BLOC1S6: variants seen among roughly 807,000 people sequenced by gnomAD.
BLOC1S6 encodes biogenesis of lysosomal organelles complex 1 subunit 6, also known as biogenesis of lysosome-related organelles complex 1 subunit 6.
A neutral mutation model predicts 24.7 loss-of-function variants in BLOC1S6; 24 were observed. The observed-to-expected ratio is 0.97, with a 90% confidence interval of 0.70 to 1.37. BLOC1S6 has a LOEUF of 1.37. Ranked by LOEUF, BLOC1S6 falls within the 40% of genes most tolerant of loss-of-function variation. The pLI, the probability that BLOC1S6 is intolerant of heterozygous loss-of-function variation, is 0.00. For missense variants in BLOC1S6, 175 were observed against 196.2 expected (o/e 0.89, Z 0.64); for synonymous variants, 76 against 72.6 (o/e 1.05, Z -0.23).
intron 1 of BLOC1S6, among the ~76,000 whole-genome samples, chr15:45,588,071 T>C (rs1044850557): frequency 1.3e-5 from 2 of 152,168 alleles, no homozygotes; most frequent in Non-Finnish European, 2.9e-5. Context: ...GTACCATCCT[T>C]GGGAGAACTG....
chr15:45,591,528 G>C (rs535413318), intron 1 of BLOC1S6, among the ~76,000 whole-genome samples: 69 of 152,112 alleles, frequency 4.5e-4, no homozygotes, highest in African/African-American at 1.7e-3. Context: ...GAACTTCTGG[G>C]CTCAAGTTAT....
At chr15:45,598,191 T>C (rs1894146844) in intron 2 of BLOC1S6, 2 of 154,572 alleles carry the variant, frequency 1.3e-5, no homozygotes, top group South Asian at 3.7e-4. Flanking sequence ...TATTTCAAAA[T>C]AATAGCTATC....
chr15:45,602,427 T>TG, intron 2 of BLOC1S6: 1 of 621,592 alleles, frequency 1.6e-6, no homozygotes, highest in Non-Finnish European at 2.9e-6. Flanking sequence ...CATTGATTGA[T>TG]GTGTAAAGAA....
chr15:45,593,213 T>G (rs940704713), intron 2 of BLOC1S6, among the ~76,000 whole-genome samples: 2 of 151,378 alleles, frequency 1.3e-5, no homozygotes, highest in Admixed American at 1.3e-4. Flanking sequence ...GGCGAAACCC[T>G]GTCTCTACTA....
In BLOC1S6 at chr15:45,587,886, C is replaced by T. The variant is rs148043369; in HGVS notation, c.82+361C>T. ...CTTATAATTCAGAGAGGTGACGTAT[C>T]CTATAATATTGACCACTCATGAAAT... is the stretch of plus-strand genomic sequence containing the variant. On this transcript the variant is annotated intron_variant, in intron 1 of 4. Coordinates refer to ENST00000220531, the MANE Select transcript of BLOC1S6 (RefSeq NM_012388.4). 665 of 637,948 alleles carry T rather than the reference C, an allele frequency of 1.0e-3. 5 individuals carry two copies. The African/African-American group carries it at 0.011, about 10-fold the overall frequency. The allele number at this position is 637,948 out of a possible 1,614,324, so 39.5% of individuals were successfully genotyped here. A position where few individuals can be genotyped will look rare whatever the true frequency, so the allele number is the denominator to read the frequency against.
chr15:45,605,878 CT>C, intron 4 of BLOC1S6: 1 of 282,730 alleles, frequency 3.5e-6, no homozygotes, highest in Non-Finnish European at 6.8e-6. Flanking sequence ...GCGTGAGCCA[CT>C]GTGCCCGGCC....
In BLOC1S6 at chr15:45,609,046, A is replaced by T. The variant is rs1894584129; in HGVS notation, c.*2532A>T. The T allele has an allele frequency of 6.6e-6, 1 of 152,090 alleles. No homozygotes were observed. Among genetic ancestry groups the T allele is most frequent in the Non-Finnish European group, 1.5e-5 (1 of 68,014 alleles). 9.4% of individuals were successfully genotyped at this position (152,090 alleles called of 1,614,324 possible). A position where few individuals can be genotyped will look rare whatever the true frequency, so the allele number is the denominator to read the frequency against. On this transcript the variant is annotated 3_prime_UTR_variant, in exon 5 of 5. Transcript: ENST00000220531. ...AATTGTATTTCAGTTTTGAAGATTT[A>T]AAAAAAATGTGAAAATAAATATATA...
At chr15:45,591,227 C>G (rs1248004846) in intron 1 of BLOC1S6, among the ~76,000 whole-genome samples, 1 of 152,154 alleles carries the variant, frequency 6.6e-6, no homozygotes, top group Non-Finnish European at 1.5e-5. Context: ...CACAACCCTC[C>G]TTTTACATGT....
intron 2 of BLOC1S6, chr15:45,602,208 T>G (rs1191958529): frequency 5.7e-5 from 25 of 441,566 alleles, no homozygotes; most frequent in Non-Finnish European, 9.3e-5. Flanking sequence ...GAGACAAATT[T>G]ATGACCTGTA....
chr15:45,606,537 T>C lies in BLOC1S6; in HGVS notation c.*23T>C. The C allele has an allele frequency of 1.9e-6, 3 of 1,614,148 alleles. No homozygotes were observed. Among genetic ancestry groups the C allele is most frequent in the African/African-American group, 1.3e-5 (1 of 75,044 alleles). On this transcript the variant is annotated 3_prime_UTR_variant, in exon 5 of 5. Transcript: ENST00000220531. ...TGAAAAGTTGTGTTTGTGTGTTTTC[T>C]TCTCCTGTCCCATATTTGGGTTATG...
intron 2 of BLOC1S6, chr15:45,602,283 A>AT: frequency 1.6e-6 from 1 of 622,580 alleles, no homozygotes; most frequent in East Asian, 2.8e-5. Flanking sequence ...GTTCGTTGTT[A>AT]TTTCTTTTTT....
rs137926322 is a variant in BLOC1S6, at chr15:45,603,130, G to A, written c.255G>A (p.Leu85=). 1.2e-6 allele frequency: 2 copies of A among 1,611,494 alleles called. No homozygotes were observed. Among genetic ancestry groups the A allele is most frequent in the Non-Finnish European group, 1.7e-6 (2 of 1,178,112 alleles). ...ACCAAGTTGTATTGTTAGACACACT[G>A]GAACAAGAGATTTCAAAATTTAAAG... ...TQNQVVLLDT[L]EQEISKFKEC... Residue 85 remains leucine (L), a synonymous_variant, in exon 3 of 5, where the codon CTG becomes CTA. Transcript: ENST00000220531.
At chr15:45,596,587 T>G (rs891547006) in intron 2 of BLOC1S6, among the ~76,000 whole-genome samples, 1 of 152,212 alleles carries the variant, frequency 6.6e-6, no homozygotes, top group South Asian at 2.1e-4. Flanking sequence ...TAGGTTTATT[T>G]AATAAGGGTT....
intron 3 of BLOC1S6, among the ~76,000 whole-genome samples, chr15:45,604,464 A>T (rs1262854244): frequency 6.6e-6 from 1 of 152,148 alleles, no homozygotes; most frequent in Non-Finnish European, 1.5e-5. Flanking sequence ...TCCTGTTGCA[A>T]CAGAAGGAAT....
At chr15:45,603,511 A>G (rs1362013370) in intron 3 of BLOC1S6, among the ~76,000 whole-genome samples, 1 of 152,170 alleles carries the variant, frequency 6.6e-6, no homozygotes, top group Non-Finnish European at 1.5e-5. Flanking sequence ...GCAGTTCAAG[A>G]CCAGCCTGGG....
At chr15:45,595,524 A>G (rs1034871883) in intron 2 of BLOC1S6, among the ~76,000 whole-genome samples, 4 of 152,044 alleles carry the variant, frequency 2.6e-5, no homozygotes, top group Admixed American at 2.0e-4. Context: ...TATATTTTTG[A>G]TATGAGTCCT....
intron 1 of BLOC1S6, chr15:45,588,016 A>C: frequency 1.9e-6 from 1 of 521,422 alleles, no homozygotes; most frequent in Non-Finnish European, 3.4e-6. Context: ...CATCCATTGA[A>C]TGGAATGAAT....
intron 3 of BLOC1S6, 76 bp from the exon 4 acceptor site, chr15:45,605,352 A>T: frequency 8.5e-7 from 1 of 1,181,594 alleles, no homozygotes; most frequent in Non-Finnish European, 1.2e-6. Flanking sequence ...ACTATCATTT[A>T]TATATTGCCT....
At chr15:45,604,875 T>C (rs553163632) in intron 3 of BLOC1S6, among the ~76,000 whole-genome samples, 1 of 152,364 alleles carries the variant, frequency 6.6e-6, no homozygotes, top group South Asian at 2.1e-4. Context: ...AAGTCTGTAC[T>C]TAAGACTCCT....
Sources: allele counts gnomAD v4.1 joint callset (sites outside exome capture counted in the v4.1 genomes callset), GRCh38; gene constraint gnomAD v4.1.1; transcripts MANE v1.5; gene names NCBI Gene and HGNC (gene_info 2026-07-23, HGNC 2026-07-21).